Variants in GATAD2A observed in about 807,000 individuals in gnomAD.
GATAD2A encodes transcriptional repressor p66-alpha.
Under a neutral mutation model 68.5 loss-of-function variants are expected in GATAD2A, and 12 were observed. The observed-to-expected ratio is 0.18, with a 90% CI of 0.11 to 0.28. GATAD2A has a LOEUF of 0.28. Ranked by LOEUF, GATAD2A falls within the 10% of genes least tolerant of loss-of-function variation. The pLI is 1.00. For missense variants in GATAD2A, 755 were observed against 868.5 expected, an observed-to-expected ratio of 0.87 and a Z score of 1.64; for synonymous variants, 410 against 375.3, an observed-to-expected ratio of 1.09 and a Z score of -1.07.
At chr19:19,492,212 G>C (rs1156942932) in intron 2 of GATAD2A, 94 bp from the exon 3 acceptor site, 3 of 1,284,716 alleles carry the variant, frequency 2.3e-6, no homozygotes, top group African/African-American at 1.5e-5. Flanking sequence ...GGGAACAGAC[G>C]GGGAGGTCTC....
intron 2 of GATAD2A, among the ~76,000 whole-genome samples, chr19:19,485,990 C>G (rs2059400914): frequency 6.6e-6 from 1 of 152,238 alleles, no homozygotes; most frequent in African/African-American, 2.4e-5. Context: ...CAGCTGCCCA[C>G]CGTGCAAGGG....
At chr19:19,439,278 C>T (rs2054715196) in intron 1 of GATAD2A, among the ~76,000 whole-genome samples, 1 of 152,214 alleles carries the variant, frequency 6.6e-6, no homozygotes, top group East Asian at 1.9e-4. Flanking sequence ...CAGGCACGCA[C>T]TGCCTAGTGC....
chr19:19,502,276 C>G, intron 10 of GATAD2A, 55 bp from the exon 11 acceptor site: 1 of 1,360,018 alleles, frequency 7.4e-7, no homozygotes, highest in Non-Finnish European at 1.0e-6. Flanking sequence ...CTGAGTGTCT[C>G]GCCTGCTGCT....
At chr19:19,499,852 C>T (rs1400570487) in intron 8 of GATAD2A, among the ~76,000 whole-genome samples, 1 of 152,210 alleles carries the variant, frequency 6.6e-6, no homozygotes, top group African/African-American at 2.4e-5. Flanking sequence ...AAGGGCATGG[C>T]CTCCAGCTCC....
chr19:19,405,232 C>A (rs1193499602), upstream of GATAD2A, among the ~76,000 whole-genome samples: 1 of 152,162 alleles, frequency 6.6e-6, no homozygotes. Flanking sequence ...GATCCACACC[C>A]CGCCCTCCCC....
At chr19:19,456,107 TCGC>T (rs1196332148) in intron 1 of GATAD2A, among the ~76,000 whole-genome samples, 1 of 142,214 alleles carries the variant, frequency 7.0e-6, no homozygotes, top group African/African-American at 2.7e-5. Flanking sequence ...TGAGCCGAGA[TCGC>T]GCCACTGCAC....
upstream of GATAD2A, among the ~76,000 whole-genome samples, chr19:19,405,536 G>GGGAGCGCGCC (rs2050112872): frequency 6.6e-6 from 1 of 152,124 alleles, no homozygotes; most frequent in South Asian, 2.1e-4. Flanking sequence ...GGTGTCGCGT[G>GGGAGCGCGCC]GGAGCGCGCC....
chr19:19,392,705 T>TC (rs1200382000), intron 1 of GATAD2A, among the ~76,000 whole-genome samples: 1 of 149,676 alleles, frequency 6.7e-6, no homozygotes, highest in Non-Finnish European at 1.5e-5. Context: ...TTTTTTTTTT[T>TC]TTTTGAAACA....
chr19:19,460,587 C>G (rs990856399), intron 1 of GATAD2A, among the ~76,000 whole-genome samples: 1 of 152,196 alleles, frequency 6.6e-6, no homozygotes, highest in African/African-American at 2.4e-5. Context: ...TGGGGCTCAT[C>G]GTGGGCCTCG....
At chr19:19,455,566 T>A (rs957704487) in intron 1 of GATAD2A, among the ~76,000 whole-genome samples, 1 of 152,050 alleles carries the variant, frequency 6.6e-6, no homozygotes, top group African/African-American at 2.4e-5. Flanking sequence ...CAAATAAAAC[T>A]ATAGTATAAC....
chr19:19,494,204 T>C, intron 4 of GATAD2A, 90 bp from the exon 5 acceptor site: 1 of 678,472 alleles, frequency 1.5e-6, no homozygotes, highest in Non-Finnish European at 2.6e-6. Flanking sequence ...CAGTCAGTCC[T>C]CTTCGGCAGC....
rs571462261 is a variant in GATAD2A, at chr19:19,390,763, T to A, written c.-7+4625T>A. Reference sequence around the variant, plus strand: ...CATGCGTATTATGAGACTGCTTGAGTGAGTGAGTCCAGCAGTTACCTGGTG... The same window carrying A: ...CATGCGTATTATGAGACTGCTTGAGAGAGTGAGTCCAGCAGTTACCTGGTG... On this transcript the variant is annotated intron_variant, in intron 1 of 11. Transcript: ENST00000360315. 3.3e-5 allele frequency among the ~76,000 whole-genome samples: 5 copies of A among 152,100 alleles called. No individual in the cohort carries two copies. The South Asian group carries it at 1.0e-3, about 31-fold the overall frequency.
chr19:19,400,344 G>A (rs888790312), intron 1 of GATAD2A, among the ~76,000 whole-genome samples: 2 of 152,208 alleles, frequency 1.3e-5, no homozygotes, highest in Non-Finnish European at 1.5e-5. Flanking sequence ...AACACTGAGT[G>A]TAACGAATTG....
chr19:19,486,431 T>C (rs2315610), intron 2 of GATAD2A, among the ~76,000 whole-genome samples: 65,785 of 152,108 alleles, frequency 0.43, 15,660 homozygotes, highest in African/African-American at 0.63. Context: ...GCATCCATCT[T>C]GCCTCTGGAG....
intron 1 of GATAD2A, among the ~76,000 whole-genome samples, chr19:19,423,307 A>G (rs535304207): frequency 1.3e-5 from 2 of 152,298 alleles, no homozygotes; most frequent in South Asian, 2.1e-4. Context: ...CACTTGGCCT[A>G]TTTCTCTCTT....
chr19:19,413,361 G>A (rs747651123), intron 1 of GATAD2A, among the ~76,000 whole-genome samples: 4 of 152,182 alleles, frequency 2.6e-5, no homozygotes, highest in Non-Finnish European at 4.4e-5. Flanking sequence ...AATTGGTTCC[G>A]TCACTCTCGA....
At chr19:19,462,259 A>G (rs2057499749) in intron 1 of GATAD2A, among the ~76,000 whole-genome samples, 1 of 151,882 alleles carries the variant, frequency 6.6e-6, no homozygotes, top group South Asian at 2.1e-4. Context: ...GGGAGGAGCC[A>G]CTCCTTACTG....
intron 1 of GATAD2A, among the ~76,000 whole-genome samples, chr19:19,392,853 C>A (rs879738870): frequency 6.6e-6 from 1 of 151,894 alleles, no homozygotes; most frequent in African/African-American, 2.4e-5. Flanking sequence ...TGCACCACTG[C>A]GCTCAGCTGA....
rs138530563 is a variant in GATAD2A, at chr19:19,496,285, C to A, written c.924+66C>A. 3.9e-3 allele frequency: 5,675 copies of A among 1,441,692 alleles called. 119 individuals carry two copies. Among genetic ancestry groups the A allele is most frequent in the South Asian group, 0.038 (3,338 of 87,018 alleles). 89.3% of individuals were successfully genotyped at this position (1,441,692 alleles called of 1,614,324 possible). A position where few individuals can be genotyped will look rare whatever the true frequency, so the allele number is the denominator to read the frequency against. ...CCACCTGTGACTGCTCCCCTTGGAC[C>A]CAGGTTCTGGGGCACAGTAGTGTTT... is the stretch of plus-strand genomic sequence containing the variant. On this transcript the variant is annotated intron_variant, in intron 7 of 11. Transcript: ENST00000683918.
Sources: gnomAD v4.1 joint callset for allele counts (sites outside exome capture counted in the v4.1 genomes callset) on GRCh38, gnomAD v4.1.1 for gene constraint, MANE v1.5 for transcripts, NCBI Gene and HGNC (gene_info 2026-07-23, HGNC 2026-07-21) for gene names.